Variants in NELL1 observed in about 807,000 individuals in gnomAD.
The protein encoded by NELL1 is neural EGFL like 1.
NELL1 carries 76 observed loss-of-function variants against 107.4 expected under a neutral mutation model. The ratio of observed to expected loss-of-function variants is 0.71; its 90% confidence interval spans 0.59 to 0.86. The LOEUF (loss-of-function observed/expected upper bound fraction) is 0.86. NELL1 is among the 40% of genes least tolerant of loss of function. NELL1 has a pLI of 0.00. For missense variants in NELL1, 1,024 were observed against 1,005.5 expected (o/e 1.02, Z -0.25); for synonymous variants, 353 against 341.2 (o/e 1.03, Z -0.38).
At chr11:21,151,607 G>C (rs1359639736) in intron 13 of NELL1, among the ~76,000 whole-genome samples, 2 of 152,176 alleles carry the variant, frequency 1.3e-5, no homozygotes, top group Non-Finnish European at 2.9e-5. Context: ...AATGCCATTA[G>C]TGTTTCTGCC....
At chr11:21,394,607 A>G (rs1011206244) in intron 15 of NELL1, among the ~76,000 whole-genome samples, 6 of 151,378 alleles carry the variant, frequency 4.0e-5, no homozygotes, top group Non-Finnish European at 7.4e-5. Context: ...TCCAAAAAAA[A>G]CATTATCTTA....
intron 15 of NELL1, among the ~76,000 whole-genome samples, chr11:21,502,168 A>G (rs1855160479): frequency 6.6e-6 from 1 of 152,168 alleles, no homozygotes; most frequent in Non-Finnish European, 1.5e-5. Flanking sequence ...TAAAATCCAC[A>G]CAGAATGGAC....
At chr11:21,480,203 G>A (rs1292902574) in intron 15 of NELL1, among the ~76,000 whole-genome samples, 1 of 152,178 alleles carries the variant, frequency 6.6e-6, no homozygotes, top group Admixed American at 6.5e-5. Flanking sequence ...ATAATGAGAA[G>A]TTTTCCTGAT....
At chr11:21,388,418 C>T (rs747484321) in intron 15 of NELL1, among the ~76,000 whole-genome samples, 10 of 151,766 alleles carry the variant, frequency 6.6e-5, no homozygotes, top group Non-Finnish European at 1.5e-4. Context: ...TCATAGGGTA[C>T]AAACTGTTAT....
At chr11:20,718,944 G>T (rs193251750) in intron 2 of NELL1, among the ~76,000 whole-genome samples, 5 of 152,294 alleles carry the variant, frequency 3.3e-5, no homozygotes, top group African/African-American at 9.6e-5. Context: ...CCTGGAGCAA[G>T]CTGACAGGGC....
chr11:21,070,628 A>G (rs1853989021), intron 12 of NELL1, among the ~76,000 whole-genome samples: 1 of 152,032 alleles, frequency 6.6e-6, no homozygotes, highest in Admixed American at 6.6e-5. Flanking sequence ...GCTTTTTCTT[A>G]ATTTTGGCAC....
At chr11:21,327,732 A>G (rs1341037817) in intron 14 of NELL1, among the ~76,000 whole-genome samples, 3 of 152,158 alleles carry the variant, frequency 2.0e-5, no homozygotes, top group African/African-American at 4.8e-5. Context: ...AGACTTCTTG[A>G]ATGGCTTTGA....
At chr11:21,231,707 T>A (rs1009723684) in intron 14 of NELL1, among the ~76,000 whole-genome samples, 1 of 152,208 alleles carries the variant, frequency 6.6e-6, no homozygotes, top group South Asian at 2.1e-4. Context: ...TAAGTCCAGC[T>A]GTGAAAAAAT....
At chr11:21,559,271 G>A (rs1856795873) in intron 16 of NELL1, among the ~76,000 whole-genome samples, 1 of 152,050 alleles carries the variant, frequency 6.6e-6, no homozygotes, top group Non-Finnish European at 1.5e-5. Flanking sequence ...TTCTACAAAT[G>A]AGTAGAAGTT....
At chr11:21,204,197 CAG>C (rs893583322) in intron 13 of NELL1, among the ~76,000 whole-genome samples, 13 of 152,150 alleles carry the variant, frequency 8.5e-5, no homozygotes, top group African/African-American at 2.9e-4. Flanking sequence ...TAATATCCTG[CAG>C]AGTGTTTTCC....
intron 12 of NELL1, among the ~76,000 whole-genome samples, chr11:21,027,945 G>C (rs746486214): frequency 7.2e-5 from 11 of 152,158 alleles, no homozygotes; most frequent in Non-Finnish European, 1.5e-4. Flanking sequence ...TGCTGCTGCA[G>C]TGTGTGTTTT....
rs970870881 is a variant in NELL1 at position 21,126,391 on chromosome 11, C to T, written c.1426+12677C>T. Among the ~76,000 whole-genome samples, 4 of 151,526 alleles carry T rather than the reference C, an allele frequency of 2.6e-5. No individual in the cohort carries two copies. In the South Asian group the frequency reaches 6.2e-4, roughly 24 times the overall value. ...TAAATAAATAAATAAAATGCTAATG[C>T]GATGTGTTCAGCAAGCAATAGCCAT... On this transcript the variant is annotated intron_variant, in intron 13 of 19. Transcript: ENST00000357134.
chr11:20,846,507 T>TTGA (rs1425386988), intron 3 of NELL1, among the ~76,000 whole-genome samples: 1 of 151,900 alleles, frequency 6.6e-6, no homozygotes, highest in Non-Finnish European at 1.5e-5. Flanking sequence ...CGCTCTGGAG[T>TTGA]TGACCATATG....
At chr11:21,478,390 A>G (rs1014973806) in intron 15 of NELL1, among the ~76,000 whole-genome samples, 3 of 152,128 alleles carry the variant, frequency 2.0e-5, no homozygotes, top group Non-Finnish European at 2.9e-5. Context: ...TTCAAAACCA[A>G]TCATGCCTTC....
At chr11:21,415,950 A>T (rs1852508519) in intron 15 of NELL1, among the ~76,000 whole-genome samples, 1 of 151,054 alleles carries the variant, frequency 6.6e-6, no homozygotes, top group Non-Finnish European at 1.5e-5. Context: ...TTGGGAGAGG[A>T]CGGAGGGAAG....
intron 2 of NELL1, among the ~76,000 whole-genome samples, chr11:20,704,091 G>A (rs1854873846): frequency 6.6e-6 from 1 of 152,102 alleles, no homozygotes; most frequent in South Asian, 2.1e-4. Flanking sequence ...TCTGTGTAAT[G>A]TTGACAGTGG....
rs1417559612 is a variant in NELL1 at position 21,240,441 on chromosome 11, GC to G, written c.1549+10990del. 6.6e-5 allele frequency among the ~76,000 whole-genome samples: 10 copies of G among 151,980 alleles called. No homozygotes were observed. The East Asian group carries it at 1.9e-3, about 30-fold the overall frequency. On this transcript the variant is annotated intron_variant, in intron 14 of 19. Coordinates refer to ENST00000357134, the MANE Select transcript of NELL1 (RefSeq NM_006157.5). The stretch of plus-strand genomic sequence containing the variant: ...TTCTAAGAGAAGGAAGAGTATTTAG[GC>G]CCAGAGAAGGTTACGCTTAAAGGTC...
chr11:20,694,174 T>G (rs968981619), intron 2 of NELL1, among the ~76,000 whole-genome samples: 7 of 152,106 alleles, frequency 4.6e-5, no homozygotes, highest in African/African-American at 1.7e-4. Flanking sequence ...GTTATTCTAG[T>G]TATACATTCG....
chr11:21,234,991 TG>T (rs1174555513), intron 14 of NELL1, among the ~76,000 whole-genome samples: 1 of 152,146 alleles, frequency 6.6e-6, no homozygotes, highest in East Asian at 1.9e-4. Context: ...TATAAACTAC[TG>T]GGCTGTGAAT....
Sources: allele counts gnomAD v4.1 joint callset (sites outside exome capture counted in the v4.1 genomes callset), GRCh38; gene constraint gnomAD v4.1.1; transcripts MANE v1.5; gene names NCBI Gene and HGNC (gene_info 2026-07-23, HGNC 2026-07-21).